Variants in RLBP1 observed in about 807,000 individuals in gnomAD.
The protein encoded by RLBP1 is retinaldehyde binding protein 1, also known as retinaldehyde-binding protein 1.
RLBP1 carries 26 observed loss-of-function variants against 36.2 expected under a neutral mutation model. The observed-to-expected ratio is 0.72, with a 90% CI of 0.53 to 1.00. RLBP1 has a LOEUF of 1.00. Among genes scored for constraint, RLBP1 ranks in the 50% least tolerant of loss-of-function variants. RLBP1 has a pLI of 0.00. For missense variants in RLBP1, 410 were observed against 402.4 expected, an observed-to-expected ratio of 1.02 and a Z score of -0.16; for synonymous variants, 155 against 156.2, an observed-to-expected ratio of 0.99 and a Z score of 0.06.
In RLBP1 at chr15:89,211,371, G is replaced by A. The variant is rs548387463; in HGVS notation, c.684+372C>T. On this transcript the variant is annotated intron_variant, in intron 7 of 8. Coordinates refer to ENST00000268125, the MANE Select transcript of RLBP1 (RefSeq NM_000326.5). This position sits in a 1 kb window ranked among gnomAD's most constrained non-coding sequence, Gnocchi z 5.8. ...ATCCACATTCAAAGAGAGGCAGTGCGACATATGTGGACAGACAACATGGGA... is the reference window on the plus strand; with the variant it reads ...ATCCACATTCAAAGAGAGGCAGTGCAACATATGTGGACAGACAACATGGGA... Among the ~76,000 whole-genome samples the A allele has an allele frequency of 1.4e-3, 208 of 152,282 alleles. No individual in the cohort carries two copies. Among genetic ancestry groups the A allele is most frequent in the Middle Eastern group, 6.8e-3 (2 of 294 alleles).
intron 1 of RLBP1, among the ~76,000 whole-genome samples, chr15:89,220,478 CAA>C (rs1023143066): frequency 2.0e-5 from 3 of 152,168 alleles, no homozygotes; most frequent in African/African-American, 7.2e-5. Flanking sequence ...CTAACTTGCA[CAA>C]AGAGACTTGG....
At position 89,217,234 on chromosome 15, in the gene RLBP1, C is replaced by T; in HGVS notation, c.232G>A (p.Glu78Lys). Residue 78 changes from glutamate (E) to lysine (K), a missense_variant, in exon 5 of 9, where the codon GAG becomes AAG. By Grantham distance (56) the Glu-to-Lys change is moderately conservative (BLOSUM62 1). Transcript: ENST00000268125. ...EMVQAQAASGEELAVAVAERV... is the reference protein window; with the variant it reads ...EMVQAQAASGKELAVAVAERV... Reference sequence around the variant, plus strand: ...TCCGCCACGGCCACCGCCAGCTCCTCCCCCGAGGCCGCCTGCGCCTGCACC... The same window carrying T: ...TCCGCCACGGCCACCGCCAGCTCCTTCCCCGAGGCCGCCTGCGCCTGCACC... The T allele has an allele frequency of 1.9e-6, 3 of 1,612,486 alleles. No homozygotes were observed. In the South Asian group the frequency reaches 3.3e-5, roughly 18 times the overall value.
rs752380181 is a variant in RLBP1 at position 89,217,331 on chromosome 15, C to A, written c.142-7G>T. The A allele has an allele frequency of 6.2e-7, 1 of 1,603,240 alleles. No homozygotes were observed. Among genetic ancestry groups the A allele is most frequent in the South Asian group, 1.1e-5 (1 of 91,088 alleles). ...CGTTCAGCTCATCCTTGGCCTAGAA[C>A]AGGGTGGGGTGTGCATGAAGTTAAA... is the stretch of plus-strand genomic sequence containing the variant. On this transcript the variant is annotated splice_polypyrimidine_tract_variant and splice_region_variant and intron_variant, in intron 4 of 8. Coordinates refer to ENST00000268125, the MANE Select transcript of RLBP1 (RefSeq NM_000326.5).
At chr15:89,212,009 T>C in intron 6 of RLBP1, 108 bp from the exon 7 acceptor site, 2 of 1,163,478 alleles carry the variant, frequency 1.7e-6, no homozygotes. Context: ...GGTAATTTGC[T>C]GCAGGCTTTG....
In RLBP1 at chr15:89,218,481, C is replaced by T; in HGVS notation, c.141+84G>A. 5 of 1,598,522 alleles carry T rather than the reference C, an allele frequency of 3.1e-6. No homozygotes were observed. The South Asian group carries it at 5.5e-5, about 18-fold the overall frequency. Reference sequence around the variant, plus strand: ...TGATCTGGAGTGCCGAGGCTGGACCCTTTTCACAGGAGAGAGAATGCAGTC... The same window carrying T: ...TGATCTGGAGTGCCGAGGCTGGACCTTTTTCACAGGAGAGAGAATGCAGTC... On this transcript the variant is annotated intron_variant, in intron 4 of 8. Coordinates refer to ENST00000268125, the MANE Select transcript of RLBP1 (RefSeq NM_000326.5). The surrounding 1 kb of genome is among the most constrained non-coding windows in gnomAD (Gnocchi z 4.6).
chr15:89,214,583 T>C lies in RLBP1; in HGVS notation c.525+477A>G, dbSNP rs1399343965. ...CAAGACAAACCCTAATTCCCCAACT[T>C]GGGGCAGCCCCCTTAACGGCTCAGA... On this transcript the variant is annotated intron_variant, in intron 6 of 8. Transcript: ENST00000268125. This position sits in a 1 kb window ranked among gnomAD's most constrained non-coding sequence, Gnocchi z 4.6. 6.6e-6 allele frequency among the ~76,000 whole-genome samples: 1 copy of C among 152,178 alleles called. No homozygotes were observed. The highest frequency in any genetic ancestry group is 2.4e-5 in the African/African-American group (1 of 41,444).
Position 89,210,353 on chromosome 15 carries a change from A to G in RLBP1, c.886T>C (p.Tyr296His). The part of the protein sequence containing the change: ...PSDFGGTLPK[Y>H]DGKAVAEQLF... ...TGCTCAGCAACGGCCTTGCCATCAT[A>G]CTTGGGCAGCGTGCCCCCGAAGTCA... Residue 296 changes from tyrosine (Y) to histidine (H), a missense_variant, in exon 9 of 9, where the codon TAT becomes CAT. Transcript: ENST00000268125. This position sits in a 1 kb window ranked among gnomAD's most constrained non-coding sequence, Gnocchi z 4.7. The G allele has an allele frequency of 1.2e-6, 2 of 1,614,236 alleles. No homozygotes were observed. The highest frequency in any genetic ancestry group is 2.2e-5 in the East Asian group (1 of 44,878).
At position 89,209,973 on chromosome 15, in the gene RLBP1, G is replaced by T; in HGVS notation, c.*312C>A. 2.4e-6 allele frequency: 1 copy of T among 419,752 alleles called. No individual in the cohort carries two copies. The highest frequency in any genetic ancestry group is 4.4e-6 in the Non-Finnish European group (1 of 225,904). The allele number at this position is 419,752 out of a possible 1,614,324, so 26.0% of individuals were successfully genotyped here. A position where few individuals can be genotyped will look rare whatever the true frequency, so the allele number is the denominator to read the frequency against. On this transcript the variant is annotated 3_prime_UTR_variant, in exon 9 of 9. Transcript: ENST00000268125. ...CACAGACTCTAAGTCGTAAAACTCT[G>T]TTACAAAGGAAATGACTGAGAAAAT...
Position 89,215,096 on chromosome 15 carries a change from A to G in RLBP1, c.489T>C (p.Ile163=). 6.2e-7 allele frequency: 1 copy of G among 1,614,204 alleles called. No individual in the cohort carries two copies. The highest frequency in any genetic ancestry group is 8.5e-7 in the Non-Finnish European group (1 of 1,180,034). ...TGATTTCTTGACTTTGCCAGTTCTC[A>G]ATGTTGAAGAGCATGACCACTCGGC... ...KYGRVVMLFN[I]ENWQSQEITF... is the part of the protein sequence containing the mutation. The change falls in exon 6 of 9, where the codon ATT becomes ATC. Residue 163 remains isoleucine, a synonymous_variant. Coordinates refer to ENST00000268125, the MANE Select transcript of RLBP1 (RefSeq NM_000326.5).
At position 89,210,451 on chromosome 15, in the gene RLBP1, G is replaced by A. The variant is rs2051527826; in HGVS notation, c.796-8C>T. On this transcript the variant is annotated splice_polypyrimidine_tract_variant and splice_region_variant and intron_variant, in intron 8 of 8. Coordinates refer to ENST00000268125, the MANE Select transcript of RLBP1 (RefSeq NM_000326.5). This position sits in a 1 kb window ranked among gnomAD's most constrained non-coding sequence, Gnocchi z 4.7. ...ATCCCCGTGGACAAAGACCTGCAGG[G>A]AAGCAAGGGAGACAGAACTGAGCAG... is the stretch of plus-strand genomic sequence containing the variant. 3.7e-6 allele frequency: 6 copies of A among 1,614,014 alleles called. No homozygotes were observed. In the East Asian group the frequency reaches 1.3e-4, roughly 36 times the overall value.
chr15:89,215,232 A>G lies in RLBP1; in HGVS notation c.353T>C (p.Val118Ala). 1.9e-6 allele frequency: 3 copies of G among 1,614,178 alleles called. No individual in the cohort carries two copies. Among genetic ancestry groups the G allele is most frequent in the Non-Finnish European group, 1.7e-6 (2 of 1,180,024 alleles). ...CTCAGGGTACTGCAGCCGGAAATTC[A>G]CATAGCCTGGAGGAAGGAGAGCAGA... ...GRAYELLRGY[V>A]NFRLQYPELF... is the part of the protein sequence containing the mutation. Residue 118 changes from valine (V) to alanine (A), a missense_variant, in exon 6 of 9, where the codon GTG becomes GCG. Transcript: ENST00000268125.
In RLBP1 at chr15:89,217,228, G is replaced by A; in HGVS notation, c.238C>T (p.Leu80=). 6.2e-7 allele frequency: 1 copy of A among 1,612,842 alleles called. No individual in the cohort carries two copies. The highest frequency in any genetic ancestry group is 8.5e-7 in the Non-Finnish European group (1 of 1,180,028). ...ACCCTCTCCGCCACGGCCACCGCCA[G>A]CTCCTCCCCCGAGGCCGCCTGCGCC... ...VQAQAASGEE[L]AVAVAERVQE... The change falls in exon 5 of 9, where the codon CTG becomes TTG. Residue 80 remains leucine (L), a synonymous_variant. Transcript: ENST00000268125.
Position 89,211,930 on chromosome 15 carries a change from A to T in RLBP1, c.526-29T>A, listed in dbSNP as rs1361007158. 6.2e-7 allele frequency: 1 copy of T among 1,613,288 alleles called. No individual in the cohort carries two copies. Among genetic ancestry groups the T allele is most frequent in the Non-Finnish European group, 8.5e-7 (1 of 1,179,576 alleles). ...GGGCACAGAGAGAACAGGCTGTAAG[A>T]TCTAACCCGCAACAATAATTAAGGC... On this transcript the variant is annotated intron_variant, in intron 6 of 8. Coordinates refer to ENST00000268125, the MANE Select transcript of RLBP1 (RefSeq NM_000326.5). This position sits in a 1 kb window ranked among gnomAD's most constrained non-coding sequence, Gnocchi z 5.8.
At chr15:89,217,009 C>A in intron 5 of RLBP1, 111 bp downstream of exon 5, 1 of 1,150,114 alleles carries the variant, frequency 8.7e-7, no homozygotes, top group Non-Finnish European at 1.3e-6. Flanking sequence ...CTCAGAGAAA[C>A]TGACTTGCCC....
At position 89,218,720 on chromosome 15, in the gene RLBP1, C is replaced by T. The variant is rs750890214; in HGVS notation, c.13-27G>A. 1.4e-5 allele frequency: 23 copies of T among 1,612,914 alleles called. No homozygotes were observed. The highest frequency in any genetic ancestry group is 4.5e-5 in the East Asian group (2 of 44,892). On this transcript the variant is annotated intron_variant, in intron 3 of 8. Coordinates refer to ENST00000268125, the MANE Select transcript of RLBP1 (RefSeq NM_000326.5). The surrounding 1 kb of genome is among the most constrained non-coding windows in gnomAD (Gnocchi z 4.6). ...TGGGCAGAGAAAGGAAAAAGAGGAA[C>T]AGCCAACCGCATCAGCCTGAGCCAG...
rs375042008 is a variant in RLBP1 at position 89,218,955 on chromosome 15, G to C, written c.12+9C>G. ...GGTGGAGGAGAGCCCTGGAGGACAG[G>C]GTACTTACCCCTTCTGACATGTTGC... On this transcript the variant is annotated intron_variant, in intron 3 of 8. Coordinates refer to ENST00000268125, the MANE Select transcript of RLBP1 (RefSeq NM_000326.5). This position sits in a 1 kb window ranked among gnomAD's most constrained non-coding sequence, Gnocchi z 4.6. The C allele has an allele frequency of 6.2e-7, 1 of 1,613,762 alleles. No homozygotes were observed. The highest frequency in any genetic ancestry group is 1.3e-5 in the African/African-American group (1 of 74,890).
Position 89,211,923 on chromosome 15 carries a change from C to T in RLBP1, c.526-22G>A. On this transcript the variant is annotated intron_variant, in intron 6 of 8. Coordinates refer to ENST00000268125, the MANE Select transcript of RLBP1 (RefSeq NM_000326.5). The surrounding 1 kb of genome is among the most constrained non-coding windows in gnomAD (Gnocchi z 5.8). ...AGATCTTGGGCACAGAGAGAACAGG[C>T]TGTAAGATCTAACCCGCAACAATAA... 1.2e-6 allele frequency: 2 copies of T among 1,613,728 alleles called. No homozygotes were observed. Among genetic ancestry groups the T allele is most frequent in the Non-Finnish European group, 1.7e-6 (2 of 1,179,872 alleles).
rs542884812 is a variant in RLBP1, at chr15:89,216,472, G to A, written c.346+648C>T. 8.5e-4 allele frequency among the ~76,000 whole-genome samples: 129 copies of A among 152,286 alleles called. No individual in the cohort carries two copies. In the East Asian group the frequency reaches 0.012, roughly 14 times the overall value. On this transcript the variant is annotated intron_variant, in intron 5 of 8. Transcript: ENST00000268125. ...CCAGTAGCTGAGATTACAGGCATGC[G>A]CCACCACGCCCGGCTAGTTTTGTAT...
Position 89,217,217 on chromosome 15 carries a change from G to C in RLBP1, c.249C>G (p.Ala83=), listed in dbSNP as rs1287713907. 3.7e-6 allele frequency: 6 copies of C among 1,613,088 alleles called. No individual in the cohort carries two copies. Among genetic ancestry groups the C allele is most frequent in the Non-Finnish European group, 5.1e-6 (6 of 1,180,032 alleles). Residue 83 remains alanine (A), a synonymous_variant, in exon 5 of 9, where the codon GCC becomes GCG. Coordinates refer to ENST00000268125, the MANE Select transcript of RLBP1 (RefSeq NM_000326.5). ...QAASGEELAV[A]VAERVQEKDS... ...CCTTCTCTTGCACCCTCTCCGCCAC[G>C]GCCACCGCCAGCTCCTCCCCCGAGG...
Sources: allele counts gnomAD v4.1 joint callset (sites outside exome capture counted in the v4.1 genomes callset), GRCh38; gene constraint gnomAD v4.1.1; non-coding constraint Gnocchi (gnomAD v3.1); transcripts MANE v1.5; gene names NCBI Gene and HGNC (gene_info 2026-07-23, HGNC 2026-07-21).